Variants in CNTNAP2 observed in about 807,000 individuals in gnomAD.
The protein encoded by CNTNAP2 is contactin associated protein 2.
CNTNAP2 carries 98 observed loss-of-function variants against 155.2 expected under a neutral mutation model. The ratio of observed to expected loss-of-function variants is 0.63; its 90% CI spans 0.54 to 0.75. The LOEUF is 0.75. Among genes scored for constraint, CNTNAP2 ranks in the 30% least tolerant of loss-of-function variants. The pLI is 0.00. For missense variants in CNTNAP2, 1,727 were observed against 1,688.1 expected (o/e 1.02, Z -0.40); for synonymous variants, 651 against 631.2 (o/e 1.03, Z -0.47).
intron 9 of CNTNAP2, among the ~76,000 whole-genome samples, chr7:147,334,957 A>G (rs1245248552): frequency 1.3e-5 from 2 of 152,200 alleles, no homozygotes; most frequent in African/African-American, 2.4e-5. Flanking sequence ...TATTTTCACA[A>G]TAATCTCACA....
chr7:147,480,451 C>T (rs1229089489), intron 10 of CNTNAP2, among the ~76,000 whole-genome samples: 1 of 152,166 alleles, frequency 6.6e-6, no homozygotes, highest in African/African-American at 2.4e-5. Context: ...TCTTAGCTGA[C>T]CCTGAGATTG....
At chr7:147,863,574 C>G (rs1282308598) in intron 13 of CNTNAP2, among the ~76,000 whole-genome samples, 3 of 152,210 alleles carry the variant, frequency 2.0e-5, no homozygotes, top group Non-Finnish European at 4.4e-5. Flanking sequence ...TATTTCTCCA[C>G]ATCCTTTCCA....
intron 1 of CNTNAP2, among the ~76,000 whole-genome samples, chr7:146,150,241 A>G (rs1798017523): frequency 1.3e-5 from 2 of 152,158 alleles, no homozygotes; most frequent in South Asian, 4.1e-4. Flanking sequence ...AAATTACAAA[A>G]GATTAACAAT....
intron 15 of CNTNAP2, among the ~76,000 whole-genome samples, chr7:148,048,073 G>T (rs541855768): frequency 1.3e-5 from 2 of 151,438 alleles, no homozygotes; most frequent in East Asian, 3.9e-4. Context: ...ACAGGTGCCT[G>T]CCACCATGCC....
At position 146,789,433 on chromosome 7, in the gene CNTNAP2, T is replaced by C. The variant is rs143342794; in HGVS notation, c.208+15052T>C. Among the ~76,000 whole-genome samples the C allele has an allele frequency of 2.3e-3, 350 of 152,280 alleles. 4 individuals are homozygous for C. Among genetic ancestry groups the C allele is most frequent in the African/African-American group, 7.8e-3 (326 of 41,564 alleles). Reference sequence around the variant, plus strand: ...GCCTTTGTGATTTCTTTGCATGTTTTTTAATCTGTTTTAAATAATCTGAAA... The same window carrying C: ...GCCTTTGTGATTTCTTTGCATGTTTCTTAATCTGTTTTAAATAATCTGAAA... On this transcript the variant is annotated intron_variant, in intron 2 of 23. Coordinates refer to ENST00000361727, the MANE Select transcript of CNTNAP2 (RefSeq NM_014141.6).
rs556871246 is a variant in CNTNAP2, at chr7:147,280,157, C to G, written c.1349-19984C>G. Among the ~76,000 whole-genome samples, 533 of 152,004 alleles carry G rather than the reference C, an allele frequency of 3.5e-3. 1 individual carries two copies. Among genetic ancestry groups the G allele is most frequent in the Non-Finnish European group, 4.5e-3 (308 of 67,860 alleles). ...AGACATTACCAGAGTGGGAAAGCCGCTGTTTAAACAAAGAAGAAAATCAAC... is the reference window on the plus strand; with the variant it reads ...AGACATTACCAGAGTGGGAAAGCCGGTGTTTAAACAAAGAAGAAAATCAAC... On this transcript the variant is annotated intron_variant, in intron 8 of 23. Transcript: ENST00000361727.
chr7:146,721,421 AC>A (rs1339443559), intron 1 of CNTNAP2, among the ~76,000 whole-genome samples: 1 of 128,312 alleles, frequency 7.8e-6, no homozygotes, highest in Non-Finnish European at 1.5e-5. Flanking sequence ...TTCTATATAT[AC>A]ATTCTATATA....
At chr7:147,435,872 G>A (rs542401437) in intron 10 of CNTNAP2, among the ~76,000 whole-genome samples, 9 of 152,178 alleles carry the variant, frequency 5.9e-5, no homozygotes, top group South Asian at 2.1e-4. Context: ...ATGCATTGGA[G>A]AAAGTGCCTG....
intron 11 of CNTNAP2, among the ~76,000 whole-genome samples, chr7:147,520,075 T>C (rs1010197277): frequency 2.6e-5 from 4 of 152,136 alleles, no homozygotes; most frequent in Admixed American, 2.0e-4. Context: ...AAAAATAATC[T>C]TTTAGAAAAA....
intron 8 of CNTNAP2, among the ~76,000 whole-genome samples, chr7:147,253,391 T>G (rs1466789593): frequency 6.6e-6 from 1 of 151,828 alleles, no homozygotes; most frequent in Non-Finnish European, 1.5e-5. Context: ...CTGTTTTTTT[T>G]TTTTTTTTTT....
chr7:147,647,841 T>A (rs992973952), intron 13 of CNTNAP2, among the ~76,000 whole-genome samples: 2 of 152,104 alleles, frequency 1.3e-5, no homozygotes, highest in Admixed American at 6.5e-5. Flanking sequence ...CTAAGGGAGA[T>A]GGGTATTTAA....
intron 1 of CNTNAP2, among the ~76,000 whole-genome samples, chr7:146,209,859 T>C (rs1297198717): frequency 2.6e-5 from 4 of 152,140 alleles, no homozygotes; most frequent in Admixed American, 6.6e-5. Context: ...GACAGAATAG[T>C]CCAGAAAATA....
At chr7:146,400,022 A>G (rs1795690940) in intron 1 of CNTNAP2, among the ~76,000 whole-genome samples, 1 of 152,152 alleles carries the variant, frequency 6.6e-6, no homozygotes, top group African/African-American at 2.4e-5. Flanking sequence ...GGGAAAGTCT[A>G]GAAGAAAAAG....
At chr7:146,707,697 A>T (rs375126271) in intron 1 of CNTNAP2, among the ~76,000 whole-genome samples, 1 of 152,238 alleles carries the variant, frequency 6.6e-6, no homozygotes, top group African/African-American at 2.4e-5. Context: ...TCTATTTCCT[A>T]TTCCTTATTT....
At chr7:147,924,774 G>A (rs957795002) in intron 14 of CNTNAP2, among the ~76,000 whole-genome samples, 6 of 152,050 alleles carry the variant, frequency 3.9e-5, no homozygotes, top group African/African-American at 1.4e-4. Context: ...GAGCCAAGCT[G>A]TACATAGAGT....
chr7:146,618,793 G>A (rs1363022449), intron 1 of CNTNAP2, among the ~76,000 whole-genome samples: 2 of 152,156 alleles, frequency 1.3e-5, no homozygotes, highest in African/African-American at 2.4e-5. Context: ...AATATGGCTG[G>A]GCATGGTGGC....
chr7:148,058,444 G>A (rs763283504), intron 15 of CNTNAP2, among the ~76,000 whole-genome samples: 2 of 152,168 alleles, frequency 1.3e-5, no homozygotes, highest in Non-Finnish European at 2.9e-5. Context: ...TGGCTTGTAG[G>A]AGATGAGGAT....
intron 3 of CNTNAP2, among the ~76,000 whole-genome samples, chr7:146,854,643 C>T (rs960596825): frequency 2.6e-5 from 4 of 152,178 alleles, no homozygotes; most frequent in Middle Eastern, 3.4e-3. Context: ...TATAAGTACA[C>T]GGGATCTACT....
intron 9 of CNTNAP2, among the ~76,000 whole-genome samples, chr7:147,341,471 CTG>C (rs1795762524): frequency 6.6e-6 from 1 of 151,804 alleles, no homozygotes; most frequent in African/African-American, 2.4e-5. Context: ...AAGGGAAAAA[CTG>C]TATGTAGAGT....
Sources: gnomAD v4.1 joint callset for allele counts (sites outside exome capture counted in the v4.1 genomes callset) on GRCh38, gnomAD v4.1.1 for gene constraint, MANE v1.5 for transcripts, NCBI Gene and HGNC (gene_info 2026-07-23, HGNC 2026-07-21) for gene names.